BAZ1A: variants seen among roughly 807,000 people sequenced by gnomAD.
BAZ1A encodes bromodomain adjacent to zinc finger domain protein 1A.
A neutral mutation model predicts 185.2 loss-of-function variants in BAZ1A; 50 were observed. That is an observed-to-expected ratio of 0.27 (90% CI 0.22 to 0.34). The LOEUF (loss-of-function observed/expected upper bound fraction) is 0.34, where lower values mean the gene tolerates loss of function less well. Ranked by LOEUF, BAZ1A falls within the 10% of genes least tolerant of loss-of-function variation. The pLI is 1.00. For synonymous variants in BAZ1A, 571 were observed against 615.6 expected (o/e 0.93, Z 1.07); for missense variants, 1,356 against 1,839.9 (o/e 0.74, Z 4.81).
At chr14:34,816,988 C>A in intron 4 of BAZ1A, 1 of 194,258 alleles carries the variant, frequency 5.1e-6, no homozygotes. Context: ...ATTACTGGGC[C>A]AATTCTTGAA....
intron 23 of BAZ1A, among the ~76,000 whole-genome samples, chr14:34,762,632 C>G (rs1886573418): frequency 6.6e-6 from 1 of 151,948 alleles, no homozygotes; most frequent in Non-Finnish European, 1.5e-5. Flanking sequence ...CCATGCCTGG[C>G]TAATTTTTGT....
chr14:34,871,950 C>G (rs1475619931), intron 2 of BAZ1A, among the ~76,000 whole-genome samples: 4 of 152,194 alleles, frequency 2.6e-5, no homozygotes, highest in African/African-American at 9.6e-5. Flanking sequence ...TACTACAGAC[C>G]ACCATATCCA....
chr14:34,845,669 GCTAACATGGTGAAAAACACCGT>G (rs1187949804), intron 3 of BAZ1A, among the ~76,000 whole-genome samples: 1 of 152,076 alleles, frequency 6.6e-6, no homozygotes, highest in Non-Finnish European at 1.5e-5. Context: ...GACCATCCTG[GCTAACATGGTGAAAAACACCGT>G]CTCTACTAAA....
chr14:34,842,263 A>G (rs1213677420), intron 3 of BAZ1A, among the ~76,000 whole-genome samples: 1 of 152,220 alleles, frequency 6.6e-6, no homozygotes, highest in African/African-American at 2.4e-5. Context: ...ATTCAAGTCA[A>G]AAGACAGAAC....
chr14:34,855,275 C>A (rs1013084444), intron 3 of BAZ1A, among the ~76,000 whole-genome samples: 4 of 152,154 alleles, frequency 2.6e-5, no homozygotes, highest in Non-Finnish European at 5.9e-5. Context: ...ATACTTCAAC[C>A]ACTCACAGGC....
intron 15 of BAZ1A, among the ~76,000 whole-genome samples, 154 bp from the exon 16 acceptor site, chr14:34,783,386 G>A (rs542548355): frequency 5.1e-5 from 2 of 38,994 alleles, no homozygotes; most frequent in African/African-American, 1.9e-4. Flanking sequence ...TTTTTTTTTT[G>A]AGACAGAGTT....
intron 3 of BAZ1A, among the ~76,000 whole-genome samples, chr14:34,829,410 A>G (rs2042208391): frequency 6.6e-6 from 1 of 152,036 alleles, no homozygotes; most frequent in Non-Finnish European, 1.5e-5. Flanking sequence ...AAAAATAAAT[A>G]AAAATAAAAA....
chr14:34,834,824 A>G (rs1034994242), intron 3 of BAZ1A, among the ~76,000 whole-genome samples: 2 of 152,222 alleles, frequency 1.3e-5, no homozygotes, highest in Non-Finnish European at 2.9e-5. Context: ...ATGTAAAAAA[A>G]CAGAGAATCA....
At chr14:34,756,383 G>A (rs1372883684) in intron 25 of BAZ1A, among the ~76,000 whole-genome samples, 1 of 149,402 alleles carries the variant, frequency 6.7e-6, no homozygotes, top group Non-Finnish European at 1.5e-5. Flanking sequence ...CCAAAGTGCT[G>A]GGATCACAGG....
rs748380062 is a variant in BAZ1A, at chr14:34,800,224, C to T, written c.1128G>A (p.Lys376=). Residue 376 remains lysine, a splice_region_variant and synonymous_variant, in exon 9 of 27, where the codon AAG becomes AAA. Coordinates refer to ENST00000360310, the MANE Select transcript of BAZ1A (RefSeq NM_013448.3). ...EKERLKVERE[K]EREKLREEKR... is the part of the protein sequence containing the mutation. ...ATAGCTAATATACTCAAATGAATAC[C>T]TTTTCTCTTTCTACTTTAAGCCTCT... The T allele has an allele frequency of 5.0e-6, 7 of 1,398,016 alleles. No individual in the cohort carries two copies. In the Admixed American group the frequency reaches 1.0e-4, roughly 20 times the overall value. 86.6% of individuals were successfully genotyped at this position (1,398,016 alleles called of 1,614,324 possible). A position where few individuals can be genotyped will look rare whatever the true frequency, so the allele number is the denominator to read the frequency against.
chr14:34,819,271 T>G (rs981007099), intron 4 of BAZ1A, among the ~76,000 whole-genome samples: 1 of 152,052 alleles, frequency 6.6e-6, no homozygotes, highest in Non-Finnish European at 1.5e-5. Context: ...CTGAAGGTCT[T>G]GGAACATATC....
Position 34,862,129 on chromosome 14 carries a change from C to T in BAZ1A, c.307G>A (p.Glu103Lys). 1 of 1,614,150 alleles carries T rather than the reference C, an allele frequency of 6.2e-7. No homozygotes were observed. The highest frequency in any genetic ancestry group is 8.5e-7 in the Non-Finnish European group (1 of 1,180,010). The change falls in exon 3 of 27, where the codon GAA (glutamate) becomes AAA (lysine). Residue 103 changes from glutamate to lysine, a missense_variant. Transcript: ENST00000360310. ...TSLTHRSRLH[E>K]ICDDIFAYVK... ...TATGCAAAGATATCATCACAAATTT[C>T]ATGTAAGCGCGAACGATGGGTAAGG...
chr14:34,832,225 T>C (rs1334014183), intron 3 of BAZ1A, among the ~76,000 whole-genome samples: 4 of 99,588 alleles, frequency 4.0e-5, no homozygotes, highest in East Asian at 5.9e-4. Flanking sequence ...CATATATATA[T>C]ATATATGTAT....
At chr14:34,848,532 G>A (rs908153394) in intron 3 of BAZ1A, among the ~76,000 whole-genome samples, 3 of 152,146 alleles carry the variant, frequency 2.0e-5, no homozygotes, top group African/African-American at 7.2e-5. Context: ...GAACCCAGGA[G>A]GCGGAGTTGC....
At chr14:34,826,955 C>T (rs957347674) in intron 3 of BAZ1A, among the ~76,000 whole-genome samples, 5 of 152,090 alleles carry the variant, frequency 3.3e-5, no homozygotes, top group African/African-American at 9.7e-5. Context: ...CAAATTCATT[C>T]GATTTCTGGA....
chr14:34,770,929 A>G (rs1879173264), intron 21 of BAZ1A, among the ~76,000 whole-genome samples: 1 of 98,492 alleles, frequency 1.0e-5, no homozygotes, highest in South Asian at 4.0e-4. Context: ...TTCTCTTTCA[A>G]ATAACAGAAA....
intron 4 of BAZ1A, among the ~76,000 whole-genome samples, chr14:34,823,615 C>A (rs890807918): frequency 6.6e-6 from 1 of 151,154 alleles, no homozygotes; most frequent in South Asian, 2.1e-4. Context: ...GAGCCAAGAT[C>A]GTGCCATTGT....
At chr14:34,871,142 A>G (rs2042943023) in intron 2 of BAZ1A, among the ~76,000 whole-genome samples, 3 of 152,264 alleles carry the variant, frequency 2.0e-5, no homozygotes, top group South Asian at 4.1e-4. Flanking sequence ...AAGTCAAGAA[A>G]TTCTGTATTC....
intron 4 of BAZ1A, chr14:34,816,851 G>C (rs1442174167): frequency 2.2e-6 from 1 of 449,144 alleles, no homozygotes; most frequent in East Asian, 7.1e-5. Flanking sequence ...TGTTAACAGG[G>C]GAAACCTGTA....
Sources: gnomAD v4.1 joint callset for allele counts (sites outside exome capture counted in the v4.1 genomes callset) on GRCh38, gnomAD v4.1.1 for gene constraint, MANE v1.5 for transcripts, NCBI Gene and HGNC (gene_info 2026-07-23, HGNC 2026-07-21) for gene names.